MACROH2A1: variants seen among roughly 807,000 people sequenced by gnomAD.
MACROH2A1 encodes core histone macro-H2A.1.
Under a neutral mutation model 31.6 loss-of-function variants are expected in MACROH2A1, and 2 were observed. The observed-to-expected ratio is 0.06, with a 90% CI of 0.03 to 0.20. The LOEUF is 0.20. Among genes scored for constraint, MACROH2A1 ranks in the 10% least tolerant of loss-of-function variants. The pLI, the probability that MACROH2A1 is intolerant of heterozygous loss-of-function variation, is 1.00. For synonymous variants in MACROH2A1, 169 were observed against 189.6 expected, an observed-to-expected ratio of 0.89 and a Z score of 0.89; for missense variants, 230 against 474.0, an observed-to-expected ratio of 0.49 and a Z score of 4.78.
Position 135,398,545 on chromosome 5 carries a change from G to A in MACROH2A1, c.-34+517C>T, listed in dbSNP as rs1287065618. ...GCCTTCCCCTCCCTGCAGATAGCGAGCCAGACGCCTACACCTCGGCCCCCC... is the reference window on the plus strand; with the variant it reads ...GCCTTCCCCTCCCTGCAGATAGCGAACCAGACGCCTACACCTCGGCCCCCC... On this transcript the variant is annotated intron_variant, in intron 1 of 8. Coordinates refer to ENST00000511689, the MANE Select transcript of MACROH2A1 (RefSeq NM_138610.3). The surrounding 1 kb of genome is among the most constrained non-coding windows in gnomAD (Gnocchi z 4.6). Among the ~76,000 whole-genome samples, 1 of 152,216 alleles carries A rather than the reference G, an allele frequency of 6.6e-6. No homozygotes were observed. The highest frequency in any genetic ancestry group is 1.5e-5 in the Non-Finnish European group (1 of 68,028).
chr5:135,348,161 C>T (rs1458960008), intron 6 of MACROH2A1, among the ~76,000 whole-genome samples: 6 of 152,234 alleles, frequency 3.9e-5, no homozygotes, highest in Non-Finnish European at 7.3e-5. Flanking sequence ...TTGACTCCTA[C>T]ACACACATAT....
chr5:135,364,196 C>T (rs1763203127), intron 4 of MACROH2A1, among the ~76,000 whole-genome samples: 1 of 152,136 alleles, frequency 6.6e-6, no homozygotes, highest in South Asian at 2.1e-4. Flanking sequence ...ATAATGAGAA[C>T]ACTTAGACAC....
At chr5:135,386,971 A>G (rs915289917) in intron 2 of MACROH2A1, among the ~76,000 whole-genome samples, 1 of 152,220 alleles carries the variant, frequency 6.6e-6, no homozygotes, top group African/African-American at 2.4e-5. Flanking sequence ...TTATGTGCAC[A>G]GCACCTTTGG....
chr5:135,348,295 A>G (rs1761106385), intron 6 of MACROH2A1, among the ~76,000 whole-genome samples: 2 of 152,262 alleles, frequency 1.3e-5, no homozygotes, highest in Admixed American at 6.5e-5. Flanking sequence ...AGGGTTAATC[A>G]TAAAGCAATT....
chr5:135,340,417 A>C (rs950400804), intron 8 of MACROH2A1, among the ~76,000 whole-genome samples: 4 of 152,226 alleles, frequency 2.6e-5, no homozygotes, highest in South Asian at 4.1e-4. Context: ...ATCTAAGGAA[A>C]GTTTAATCAA....
In MACROH2A1 at chr5:135,359,658, G is replaced by T. The variant is rs551349727; in HGVS notation, c.588+839C>A. ...GATGCAAAAGAAATTGACAGTGAGG[G>T]TTTAAAAATGATGCAGCTTCAGATC... On this transcript the variant is annotated intron_variant, in intron 5 of 8. Coordinates refer to ENST00000511689, the MANE Select transcript of MACROH2A1 (RefSeq NM_138610.3). 17 of 985,126 alleles carry T rather than the reference G, an allele frequency of 1.7e-5. No homozygotes were observed. In the Admixed American group the frequency reaches 8.0e-4, roughly 46 times the overall value. 61.0% of individuals were successfully genotyped at this position (985,126 alleles called of 1,614,324 possible).
At position 135,338,010 on chromosome 5, in the gene MACROH2A1, G is replaced by A. The variant is rs899888809; in HGVS notation, c.954-2869C>T. 35 of 1,182,456 alleles carry A rather than the reference G, an allele frequency of 3.0e-5. No homozygotes were observed. In the Admixed American group the frequency reaches 3.6e-4, roughly 12 times the overall value. 73.2% of individuals were successfully genotyped at this position (1,182,456 alleles called of 1,614,324 possible). A position where few individuals can be genotyped will look rare whatever the true frequency, so the allele number is the denominator to read the frequency against. On this transcript the variant is annotated intron_variant, in intron 8 of 8. Coordinates refer to ENST00000511689, the MANE Select transcript of MACROH2A1 (RefSeq NM_138610.3). ...GCGCAGGCTGCCAGGAAGGAATGGC[G>A]GAGGTAACGGCTTTCCTAACGTTTT...
rs1763940927 is a variant in MACROH2A1, at chr5:135,369,636, C to A, written c.280-33G>T. The A allele has an allele frequency of 6.5e-7, 1 of 1,541,906 alleles. No individual in the cohort carries two copies. The highest frequency in any genetic ancestry group is 9.0e-7 in the Non-Finnish European group (1 of 1,115,900). On this transcript the variant is annotated intron_variant, in intron 3 of 8. Transcript: ENST00000511689. The surrounding 1 kb of genome is among the most constrained non-coding windows in gnomAD (Gnocchi z 4.3). ...GAAAACCAGAATAGCAGATAGTGAG[C>A]CAGATACCCTGCTTCTAACCTTCAA...
chr5:135,378,035 G>A (rs1381688138), intron 2 of MACROH2A1, among the ~76,000 whole-genome samples: 1 of 152,160 alleles, frequency 6.6e-6, no homozygotes, highest in African/African-American at 2.4e-5. Flanking sequence ...GCTGAGGACT[G>A]CTTGTCTAAG....
intron 1 of MACROH2A1, among the ~76,000 whole-genome samples, chr5:135,390,607 A>G (rs1049079843): frequency 1.3e-5 from 2 of 152,140 alleles, no homozygotes; most frequent in Non-Finnish European, 2.9e-5. Context: ...ATGTTTGCTC[A>G]CTGAACCAAC....
chr5:135,369,716 C>A lies in MACROH2A1; in HGVS notation c.280-113G>T. 5.2e-6 allele frequency: 4 copies of A among 770,734 alleles called. No homozygotes were observed. Among genetic ancestry groups the A allele is most frequent in the Non-Finnish European group, 8.7e-6 (4 of 462,078 alleles). The allele number at this position is 770,734 out of a possible 1,614,324, so 47.7% of individuals were successfully genotyped here. ...TTTGGGTTGGTGCAGCTCCTTCCTC[C>A]ATGGCATCCTCCATGAGGATGCTGC... On this transcript the variant is annotated intron_variant, in intron 3 of 8. Coordinates refer to ENST00000511689, the MANE Select transcript of MACROH2A1 (RefSeq NM_138610.3). This position sits in a 1 kb window ranked among gnomAD's most constrained non-coding sequence, Gnocchi z 4.3.
intron 8 of MACROH2A1, among the ~76,000 whole-genome samples, chr5:135,336,100 A>G (rs1000560005): frequency 3.3e-5 from 5 of 152,194 alleles, no homozygotes; most frequent in African/African-American, 1.2e-4. Flanking sequence ...GTTGGTGTCC[A>G]AAGCGCTGGG....
At chr5:135,362,202 G>A (rs1762927556) in intron 4 of MACROH2A1, 1 of 152,186 alleles carries the variant, frequency 6.6e-6, no homozygotes, top group South Asian at 2.1e-4. Flanking sequence ...TGAGTTAACA[G>A]CTGATAGATC....
chr5:135,337,857 G>A, intron 8 of MACROH2A1: 1 of 786,808 alleles, frequency 1.3e-6, no homozygotes, highest in Non-Finnish European at 1.6e-6. Context: ...TTTCAGGGTT[G>A]TTGGTGGGTG....
At chr5:135,372,979 G>C (rs1016536634) in intron 2 of MACROH2A1, among the ~76,000 whole-genome samples, 11 of 152,230 alleles carry the variant, frequency 7.2e-5, no homozygotes, top group Non-Finnish European at 1.5e-4. Context: ...TGACCATAAT[G>C]TGCCAAGAAT....
chr5:135,367,380 G>C (rs1763641723), intron 4 of MACROH2A1, among the ~76,000 whole-genome samples: 1 of 152,188 alleles, frequency 6.6e-6, no homozygotes, highest in African/African-American at 2.4e-5. Context: ...TCCTGCTTTT[G>C]TAATCAAGGG....
Position 135,360,553 on chromosome 5 carries a change from T to C in MACROH2A1, c.532A>G (p.Thr178Ala). 6.2e-7 allele frequency: 1 copy of C among 1,614,122 alleles called. No homozygotes were observed. The highest frequency in any genetic ancestry group is 1.1e-5 in the South Asian group (1 of 91,078). Reference sequence around the variant, plus strand: ...AGGACTGTGAAGCCGTCGGCAGGTGTGCCCTCGGTTGTGCTGTCGGCGCTG... The same window carrying C: ...AGGACTGTGAAGCCGTCGGCAGGTGCGCCCTCGGTTGTGCTGTCGGCGCTG... Reference protein sequence around the residue: ...AASADSTTEGTPADGFTVLST... With the variant: ...AASADSTTEGAPADGFTVLST... The change falls in exon 5 of 9, where the codon ACA becomes GCA. Residue 178 changes from threonine to alanine, a missense_variant. Physicochemically the swap from Thr to Ala is moderately conservative, Grantham distance 58. This residue lies in a region of MACROH2A1 where 183 missense variants were observed against 319.3 expected (regional missense o/e 0.57). Transcript: ENST00000511689.
intron 1 of MACROH2A1, among the ~76,000 whole-genome samples, chr5:135,393,489 T>C (rs905882787): frequency 2.0e-5 from 3 of 152,216 alleles, no homozygotes; most frequent in Admixed American, 6.5e-5. Flanking sequence ...GTTTGACCCA[T>C]GTTCTGCATC....
rs537033154 is a variant in MACROH2A1, at chr5:135,364,156, C to A, written c.478-3549G>T. ...ATCACAAGGACAGAAAACCAAACAC[C>A]GCATGTTCTCACTCATAGGTGGGAA... On this transcript the variant is annotated intron_variant, in intron 4 of 8. Transcript: ENST00000511689. Among the ~76,000 whole-genome samples the A allele has an allele frequency of 1.0e-3, 159 of 152,222 alleles. 1 individual carries two copies. Among genetic ancestry groups the A allele is most frequent in the African/African-American group, 3.3e-3 (138 of 41,520 alleles).
Sources: allele counts gnomAD v4.1 joint callset (sites outside exome capture counted in the v4.1 genomes callset), GRCh38; gene constraint gnomAD v4.1.1; regional missense constraint gnomAD v4.1.1; non-coding constraint Gnocchi (gnomAD v3.1); transcripts MANE v1.5; gene names NCBI Gene and HGNC (gene_info 2026-07-23, HGNC 2026-07-21).